The following C11orf65 variants were observed in gnomAD, a reference collection of about 807,000 sequenced individuals.
The protein encoded by C11orf65 is protein MFI.
In C11orf65, 38 loss-of-function variants were observed where a neutral mutation model predicts 35.3. That is an observed-to-expected ratio of 1.08 (90% CI 0.83 to 1.41). C11orf65 has a LOEUF of 1.41. C11orf65 is among the 40% of genes most tolerant of loss of function. The pLI, the probability that C11orf65 is intolerant of heterozygous loss-of-function variation, is 0.00. For missense variants in C11orf65, 370 were observed against 367.1 expected, an observed-to-expected ratio of 1.01 and a Z score of -0.06; for synonymous variants, 105 against 114.4, an observed-to-expected ratio of 0.92 and a Z score of 0.53.
Position 108,383,147 on chromosome 11 carries a change from G to A in C11orf65, c.816C>T (p.Asn272=). 2 of 1,602,420 alleles carry A rather than the reference G, an allele frequency of 1.2e-6. No individual in the cohort carries two copies. Among genetic ancestry groups the A allele is most frequent in the African/African-American group, 1.3e-5 (1 of 74,314 alleles). Reference sequence around the variant, plus strand: ...ATATGTCTCCTCCATAGTTATATATGTTTTTCTGTGCTTGATTAAACCTGA... The same window carrying A: ...ATATGTCTCCTCCATAGTTATATATATTTTTCTGTGCTTGATTAAACCTGA... The part of the protein sequence containing the change: ...KGFRFNQAQK[N]IYNYGGDISK... Residue 272 remains asparagine (N), a synonymous_variant, in exon 9 of 9, where the codon AAC becomes AAT. Transcript: ENST00000393084.
intron 2 of C11orf65, among the ~76,000 whole-genome samples, chr11:108,458,958 G>C (rs773267444): frequency 6.6e-6 from 1 of 152,204 alleles, no homozygotes; most frequent in African/African-American, 2.4e-5. Context: ...GAAAGTCTGT[G>C]TCAGTTTTTC....
chr11:108,384,874 C>G (rs1345420099), intron 8 of C11orf65, among the ~76,000 whole-genome samples: 1 of 152,314 alleles, frequency 6.6e-6, no homozygotes, highest in East Asian at 1.9e-4. Flanking sequence ...AACTCATACA[C>G]CATCATTAGG....
At chr11:108,316,431 C>T (rs1017044246) in intron 6 of C11orf65, among the ~76,000 whole-genome samples, 2 of 152,072 alleles carry the variant, frequency 1.3e-5, no homozygotes, top group Non-Finnish European at 2.9e-5. Context: ...AGGTAGTGTA[C>T]TTACTGCTTC....
rs747017853 is a variant in C11orf65, at chr11:108,408,726, A to C, written c.175-1577T>G. Among the ~76,000 whole-genome samples, 157 of 116,466 alleles carry C rather than the reference A, an allele frequency of 1.3e-3. 4 individuals are homozygous for C. The highest frequency in any genetic ancestry group is 6.4e-3 in the African/African-American group (140 of 22,030). 76.4% of individuals were successfully genotyped at this position (116,466 alleles called of 152,430 possible). On this transcript the variant is annotated intron_variant, in intron 3 of 8. Transcript: ENST00000393084. ...AATAAAATAAAATAAAATAAAATAA[A>C]ATAAAATGATATAAGAATTGTATAT...
downstream of C11orf65, among the ~76,000 whole-genome samples, chr11:108,328,225 A>G (rs1464459967): frequency 6.6e-6 from 1 of 152,128 alleles, no homozygotes; most frequent in Non-Finnish European, 1.5e-5. Context: ...GTAACATGAA[A>G]CACATGATGC....
chr11:108,349,856 C>T (rs895048900), intron 2 of C11orf65, among the ~76,000 whole-genome samples: 4 of 152,054 alleles, frequency 2.6e-5, no homozygotes, highest in Admixed American at 1.3e-4. Context: ...TCATAAAGTA[C>T]GTGAGTCTGA....
At chr11:108,444,708 C>T (rs2093221493) in intron 2 of C11orf65, among the ~76,000 whole-genome samples, 2 of 152,230 alleles carry the variant, frequency 1.3e-5, no homozygotes, top group Admixed American at 6.5e-5. Context: ...TCTGAATTTC[C>T]ATCTGAGGTA....
chr11:108,410,604 C>T (rs891920865), intron 3 of C11orf65, among the ~76,000 whole-genome samples: 4 of 152,112 alleles, frequency 2.6e-5, no homozygotes, highest in Admixed American at 6.6e-5. Flanking sequence ...ATCTGTGCAC[C>T]TTGGCTTCCC....
At chr11:108,441,960 G>A (rs1232365721) in intron 2 of C11orf65, among the ~76,000 whole-genome samples, 1 of 152,152 alleles carries the variant, frequency 6.6e-6, no homozygotes, top group Non-Finnish European at 1.5e-5. Flanking sequence ...GAACAAAGCT[G>A]GATGGAAAAT....
Position 108,314,782 on chromosome 11 carries a change from TTAAA to T in C11orf65, c.641-5715_641-5712del, listed in dbSNP as rs2084474821. 9.2e-5 allele frequency among the ~76,000 whole-genome samples: 14 copies of T among 152,292 alleles called. No individual in the cohort carries two copies. In the South Asian group the frequency reaches 2.5e-3, roughly 27 times the overall value. ...TGTATATGTATTATATACTGTATTC[TTAAA>T]TAAAGTAGCTTGAGAAAAGAAAATG... On this transcript the variant is annotated intron_variant, in intron 6 of 6. Coordinates refer to the C11orf65 transcript ENST00000525729.
intron 6 of C11orf65, among the ~76,000 whole-genome samples, chr11:108,397,803 C>G (rs956271741): frequency 2.6e-5 from 4 of 152,148 alleles, no homozygotes; most frequent in African/African-American, 9.7e-5. Context: ...ATTCTATAAG[C>G]AACATATATT....
chr11:108,394,840 G>T (rs545489109), intron 6 of C11orf65, among the ~76,000 whole-genome samples: 1 of 152,110 alleles, frequency 6.6e-6, no homozygotes, highest in African/African-American at 2.4e-5. Context: ...TCCTTAAAAT[G>T]GTAATCAGGG....
chr11:108,363,128 A>AC (rs1477344566), intron 2 of C11orf65, among the ~76,000 whole-genome samples: 1 of 152,162 alleles, frequency 6.6e-6, no homozygotes, highest in African/African-American at 2.4e-5. Context: ...CAGTGATCTT[A>AC]CCACAGTAAG....
At chr11:108,366,378 C>T (rs999143947) in intron 2 of C11orf65, 3 of 215,438 alleles carry the variant, frequency 1.4e-5, no homozygotes, top group Non-Finnish European at 2.8e-5. Flanking sequence ...ATCTCTGTTT[C>T]TTGATGTCAT....
chr11:108,335,305 CATT>C (rs1274012294), intron 2 of C11orf65: 19 of 1,489,852 alleles, frequency 1.3e-5, no homozygotes, highest in South Asian at 3.7e-5. Context: ...GAAAGACAAT[CATT>C]ATTATATGGT....
chr11:108,321,504 C>G (rs552841703), intron 6 of C11orf65: 211 of 1,585,836 alleles, frequency 1.3e-4, no homozygotes, highest in Middle Eastern at 3.4e-4. Context: ...AACTATAGGC[C>G]GGGCACGGTG....
At chr11:108,356,827 T>C (rs573468359) in intron 2 of C11orf65, among the ~76,000 whole-genome samples, 1 of 152,204 alleles carries the variant, frequency 6.6e-6, no homozygotes, top group South Asian at 2.1e-4. Flanking sequence ...GCCAGATCCT[T>C]TGCCATTGTA....
At chr11:108,466,105 A>G (rs182067844) in intron 1 of C11orf65, among the ~76,000 whole-genome samples, 45 of 152,268 alleles carry the variant, frequency 3.0e-4, no homozygotes, top group Non-Finnish European at 3.2e-4. Flanking sequence ...AAAAAAAGGG[A>G]TAAGTTAAAT....
chr11:108,460,926 T>C (rs1317481827), intron 2 of C11orf65, among the ~76,000 whole-genome samples: 1 of 152,038 alleles, frequency 6.6e-6, no homozygotes, highest in Non-Finnish European at 1.5e-5. Context: ...GGTCTCTCCA[T>C]GTTCGTCAGG....
Sources: gnomAD v4.1 joint callset for allele counts (sites outside exome capture counted in the v4.1 genomes callset) on GRCh38, gnomAD v4.1.1 for gene constraint, MANE v1.5 for transcripts, NCBI Gene and HGNC (gene_info 2026-07-23, HGNC 2026-07-21) for gene names.